KRAS: variants seen among roughly 807,000 people sequenced by gnomAD.
KRAS encodes the protein GTPase KRas.
In KRAS, 1 loss-of-function variant was observed where a neutral mutation model predicts 21.0. The observed-to-expected ratio is 0.05, with a 90% CI of 0.02 to 0.23. The LOEUF is 0.23. Among genes scored for constraint, KRAS ranks in the 10% least tolerant of loss-of-function variants. The pLI is 1.00. For synonymous variants in KRAS, 67 were observed against 72.5 expected (o/e 0.92, Z 0.39); for missense variants, 107 against 221.8 (o/e 0.48, Z 3.29).
In KRAS at chr12:25,209,072, G is replaced by GACCCA. The variant is rs1951175628; in HGVS notation, c.*722_*723insTGGGT. On this transcript the variant is annotated 3_prime_UTR_variant, in exon 5 of 5. Coordinates refer to ENST00000311936, the MANE Select transcript of KRAS (RefSeq NM_004985.5). The stretch of plus-strand genomic sequence containing the variant: ...CTATAATAATCCCCATTTCATACTG[G>GACCCA]GTCTGCCTTAACAGGAAAAGCTATT... 6 of 421,852 alleles carry GACCCA rather than the reference G, an allele frequency of 1.4e-5. No individual in the cohort carries two copies. Among genetic ancestry groups the GACCCA allele is most frequent in the Non-Finnish European group, 2.5e-5 (6 of 240,464 alleles). 26.1% of individuals were successfully genotyped at this position (421,852 alleles called of 1,614,324 possible).
intron 3 of KRAS, among the ~76,000 whole-genome samples, 197 bp downstream of exon 3, chr12:25,227,037 G>C (rs61762367): frequency 4.8e-4 from 73 of 152,116 alleles, no homozygotes; most frequent in African/African-American, 1.7e-3. Flanking sequence ...CACCACTACC[G>C]ATGCAGTCTG....
intron 2 of KRAS, among the ~76,000 whole-genome samples, chr12:25,231,092 CTTTTTTTTTTTT>C (rs34361223): frequency 3.0e-5 from 2 of 66,366 alleles, no homozygotes; most frequent in Admixed American, 2.3e-4. Context: ...ACCTCACATT[CTTTTTTTTTTTT>C]TTTTTTTTTT....
chr12:25,228,541 T>C (rs975827610), intron 2 of KRAS, among the ~76,000 whole-genome samples: 3 of 152,000 alleles, frequency 2.0e-5, no homozygotes, highest in African/African-American at 7.3e-5. Context: ...ATTCCACTTA[T>C]ATGAGGAACC....
In KRAS at chr12:25,206,513, G is replaced by C. The variant is rs182008815; in HGVS notation, c.*3282C>G. Reference sequence around the variant, plus strand: ...CAAATCTTTTGTTAAACCATTCAAAGTTCACATAAAGGTAATTAACCACTA... The same window carrying C: ...CAAATCTTTTGTTAAACCATTCAAACTTCACATAAAGGTAATTAACCACTA... On this transcript the variant is annotated 3_prime_UTR_variant, in exon 5 of 5. Coordinates refer to ENST00000311936, the MANE Select transcript of KRAS (RefSeq NM_004985.5). 5.3e-6 allele frequency: 1 copy of C among 189,890 alleles called. No homozygotes were observed. Among genetic ancestry groups the C allele is most frequent in the Non-Finnish European group, 1.1e-5 (1 of 94,228 alleles). The allele number at this position is 189,890 out of a possible 1,614,324, so 11.8% of individuals were successfully genotyped here. A position where few individuals can be genotyped will look rare whatever the true frequency, so the allele number is the denominator to read the frequency against.
At chr12:25,248,445 C>A (rs975186166) in intron 1 of KRAS, among the ~76,000 whole-genome samples, 1 of 151,854 alleles carries the variant, frequency 6.6e-6, no homozygotes, top group Non-Finnish European at 1.5e-5. Context: ...GTGAGACTCT[C>A]TCTCTCAAAA....
chr12:25,212,251 A>G (rs762000153), intron 4 of KRAS, among the ~76,000 whole-genome samples: 4 of 152,234 alleles, frequency 2.6e-5, no homozygotes, highest in Non-Finnish European at 5.9e-5. Context: ...ACAATGAAGA[A>G]AAATGCCAAT....
chr12:25,232,803 C>T (rs980209207), intron 2 of KRAS, among the ~76,000 whole-genome samples: 1 of 152,116 alleles, frequency 6.6e-6, no homozygotes, highest in Non-Finnish European at 1.5e-5. Context: ...ATGAAATGTA[C>T]TATACTGGCA....
chr12:25,245,010 T>G (rs1160409182), intron 2 of KRAS, among the ~76,000 whole-genome samples: 1 of 152,158 alleles, frequency 6.6e-6, no homozygotes, highest in Non-Finnish European at 1.5e-5. Context: ...GATACAAATT[T>G]CTACCCTCTC....
chr12:25,228,746 C>A (rs1013917605), intron 2 of KRAS, among the ~76,000 whole-genome samples: 1 of 152,102 alleles, frequency 6.6e-6, no homozygotes, highest in Non-Finnish European at 1.5e-5. Context: ...CACTTAAGGT[C>A]ACTGAATTGA....
At position 25,227,441 on chromosome 12, in the gene KRAS, A is replaced by AT. The variant is rs772707397; in HGVS notation, c.112-30dup. 25 of 1,605,530 alleles carry AT rather than the reference A, an allele frequency of 1.6e-5. No homozygotes were observed. In the African/African-American group the frequency reaches 3.1e-4, roughly 20 times the overall value. Reference sequence around the variant, plus strand: ...AGAAGGGAGAAACACAGTCTGGATTATTACAGTGCACCTTTTACTTCAAAA... The same window carrying AT: ...AGAAGGGAGAAACACAGTCTGGATTATTTACAGTGCACCTTTTACTTCAAAA... On this transcript the variant is annotated intron_variant, in intron 2 of 4. Coordinates refer to ENST00000311936, the MANE Select transcript of KRAS (RefSeq NM_004985.5).
intron 4 of KRAS, chr12:25,225,286 TTATATATATA>T (rs68164603): frequency 9.4e-5 from 1 of 10,624 alleles, no homozygotes; most frequent in African/African-American, 4.6e-4. Flanking sequence ...GCCCTGTTCT[TTATATATATA>T]TATATATATA....
At chr12:25,215,869 T>G (rs1951249427) in intron 4 of KRAS, among the ~76,000 whole-genome samples, 1 of 152,224 alleles carries the variant, frequency 6.6e-6, no homozygotes, top group Admixed American at 6.5e-5. Context: ...TGCAACCATT[T>G]TAGTTTGCTA....
intron 4 of KRAS, chr12:25,210,839 T>A (rs1371183320): frequency 1.3e-5 from 2 of 152,174 alleles, no homozygotes. Context: ...ATAATACTTT[T>A]CAACCTAATA....
chr12:25,226,228 A>T (rs970719493), intron 3 of KRAS, among the ~76,000 whole-genome samples: 5 of 152,218 alleles, frequency 3.3e-5, no homozygotes, highest in African/African-American at 1.2e-4. Flanking sequence ...TTTGATTTCT[A>T]GGTAGGCAAC....
At chr12:25,219,829 C>T (rs1951299384) in intron 4 of KRAS, among the ~76,000 whole-genome samples, 1 of 152,140 alleles carries the variant, frequency 6.6e-6, no homozygotes, top group Non-Finnish European at 1.5e-5. Context: ...ATATTGATCT[C>T]ATGTACACAA....
intron 2 of KRAS, among the ~76,000 whole-genome samples, chr12:25,238,567 T>C (rs984472158): frequency 6.6e-6 from 1 of 152,170 alleles, no homozygotes; most frequent in South Asian, 2.1e-4. Context: ...AAAACGAGTA[T>C]TTACTTTTCC....
chr12:25,209,525 C>A lies in KRAS; in HGVS notation c.*270G>T. 1 of 1,323,784 alleles carries A rather than the reference C, an allele frequency of 7.6e-7. No individual in the cohort carries two copies. Among genetic ancestry groups the A allele is most frequent in the Non-Finnish European group, 9.6e-7 (1 of 1,041,310 alleles). 82.0% of individuals were successfully genotyped at this position (1,323,784 alleles called of 1,614,324 possible). On this transcript the variant is annotated 3_prime_UTR_variant, in exon 5 of 5. Coordinates refer to ENST00000311936, the MANE Select transcript of KRAS (RefSeq NM_004985.5). ...AATAAGAAGTAATCAACTGCATGCACCAAAAGCCCCAAGACAGAAATCTTA... is the reference window on the plus strand; with the variant it reads ...AATAAGAAGTAATCAACTGCATGCAACAAAAGCCCCAAGACAGAAATCTTA...
At chr12:25,223,175 A>T (rs1320113862) in intron 4 of KRAS, among the ~76,000 whole-genome samples, 1 of 152,208 alleles carries the variant, frequency 6.6e-6, no homozygotes, top group Non-Finnish European at 1.5e-5. Flanking sequence ...ATGTAAGCTA[A>T]AATGTTCAGT....
chr12:25,218,391 C>T (rs1951279031), intron 4 of KRAS, among the ~76,000 whole-genome samples: 1 of 149,382 alleles, frequency 6.7e-6, no homozygotes, highest in South Asian at 2.1e-4. Context: ...AGCATCCCCA[C>T]CACCAATAGT....
Sources: allele counts gnomAD v4.1 joint callset (sites outside exome capture counted in the v4.1 genomes callset), GRCh38; gene constraint gnomAD v4.1.1; transcripts MANE v1.5; gene names NCBI Gene and HGNC (gene_info 2026-07-23, HGNC 2026-07-21).